The following OR5K1 variants were observed in gnomAD, a reference collection of about 807,000 sequenced individuals.
OR5K1 encodes olfactory receptor 5K1.
Under a neutral mutation model 10.4 loss-of-function variants are expected in OR5K1, and 7 were observed. The observed-to-expected ratio is 0.67, with a 90% CI of 0.38 to 1.26. The LOEUF (loss-of-function observed/expected upper bound fraction) is 1.26. Ranked by LOEUF, OR5K1 falls within the 50% of genes most tolerant of loss-of-function variation. The pLI is 0.02. For missense variants in OR5K1, 435 were observed against 366.2 expected (o/e 1.19, Z -1.53); for synonymous variants, 135 against 128.5 (o/e 1.05, Z -0.34).
chr3:98,470,512 A>T lies in OR5K1; in HGVS notation c.*9A>T, dbSNP rs999426791. On this transcript the variant is annotated 3_prime_UTR_variant, in exon 2 of 2. Coordinates refer to ENST00000642057, the MANE Select transcript of OR5K1 (RefSeq NM_001004736.4). The stretch of plus-strand genomic sequence containing the variant: ...TTCTGATGAAGAAATAATCTCAAGA[A>T]AGATGGAAACAAGTGACATCTACTA... 6.7e-7 allele frequency: 1 copy of T among 1,490,530 alleles called. No individual in the cohort carries two copies. The highest frequency in any genetic ancestry group is 9.2e-7 in the Non-Finnish European group (1 of 1,082,358). The allele number at this position is 1,490,530 out of a possible 1,614,324, so 92.3% of individuals were successfully genotyped here.
chr3:98,469,776 C>T lies in OR5K1; in HGVS notation c.200C>T (p.Ala67Val), dbSNP rs1559640630. ...ATGTACATCTTTCTGGGAAATCTGG[C>T]TCTTGTGGATTCTTGCTGTGCCTGT... ...TPMYIFLGNL[A>V]LVDSCCACAI... Residue 67 changes from alanine to valine, a missense_variant, in exon 2 of 2, where the codon GCT becomes GTT. Coordinates refer to ENST00000642057, the MANE Select transcript of OR5K1 (RefSeq NM_001004736.4). The T allele has an allele frequency of 6.2e-7, 1 of 1,613,766 alleles. No individual in the cohort carries two copies.
chr3:98,466,413 C>A (rs1353092043), intron 1 of OR5K1, among the ~76,000 whole-genome samples: 1 of 81,942 alleles, frequency 1.2e-5, no homozygotes, highest in African/African-American at 6.8e-5. Context: ...GGTATATACC[C>A]AGTAATGGGA....
intron 1 of OR5K1, among the ~76,000 whole-genome samples, chr3:98,467,780 T>C: frequency 7.2e-6 from 1 of 138,972 alleles, no homozygotes; most frequent in African/African-American, 2.8e-5. Context: ...AAGTTGCTTA[T>C]CAGCTTAAGG....
rs1705426553 is a variant in OR5K1 at position 98,470,079 on chromosome 3, T to A, written c.503T>A (p.Phe168Tyr). 1.2e-6 allele frequency: 2 copies of A among 1,613,602 alleles called. No homozygotes were observed. The highest frequency in any genetic ancestry group is 1.7e-6 in the Non-Finnish European group (2 of 1,179,758). Residue 168 changes from phenylalanine (F) to tyrosine (Y), a missense_variant, in exon 2 of 2, where the codon TTC becomes TAC. Physicochemically the swap from Phe to Tyr is conservative, Grantham distance 22 (BLOSUM62 3). Coordinates refer to ENST00000642057, the MANE Select transcript of OR5K1 (RefSeq NM_001004736.4). ...GTAGGGCTTGTATTTAGGTTAGTTTTCTGTGGATCGAATCACATCAACCAC... is the reference window on the plus strand; with the variant it reads ...GTAGGGCTTGTATTTAGGTTAGTTTACTGTGGATCGAATCACATCAACCAC... The part of the protein sequence containing the change: ...IHVGLVFRLV[F>Y]CGSNHINHFY...
At chr3:98,464,941 CATTA>C (rs1372087620) in intron 1 of OR5K1, among the ~76,000 whole-genome samples, 26 of 152,234 alleles carry the variant, frequency 1.7e-4, no homozygotes, top group African/African-American at 6.3e-4. Flanking sequence ...GTGCAGAAAA[CATTA>C]GTTAAATTCC....
intron 1 of OR5K1, among the ~76,000 whole-genome samples, chr3:98,464,614 T>C (rs762703488): frequency 2.0e-5 from 3 of 152,140 alleles, no homozygotes; most frequent in Non-Finnish European, 4.4e-5. Context: ...TATAAGTACA[T>C]ATAATGAGTA....
intron 1 of OR5K1, among the ~76,000 whole-genome samples, chr3:98,466,677 T>C (rs1278634196): frequency 2.5e-5 from 3 of 122,080 alleles, no homozygotes; most frequent in Admixed American, 8.1e-5. Context: ...TCATGTGTTT[T>C]TTGGCTGCAT....
Position 98,470,359 on chromosome 3 carries a change from A to G in OR5K1, c.783A>G (p.Arg261=), listed in dbSNP as rs1351829037. 3.1e-6 allele frequency: 5 copies of G among 1,613,052 alleles called. No homozygotes were observed. Among genetic ancestry groups the G allele is most frequent in the Middle Eastern group, 1.6e-4 (1 of 6,080 alleles). The change falls in exon 2 of 2, where the codon AGA becomes AGG. Residue 261 remains arginine (R), a synonymous_variant. Coordinates refer to ENST00000642057, the MANE Select transcript of OR5K1 (RefSeq NM_001004736.4). ...FYGSLFFMYV[R]PNLLEEGDKD... ...GATCTCTTTTCTTCATGTACGTTAG[A>G]CCAAATTTGCTTGAAGAAGGGGATA... is the stretch of plus-strand genomic sequence containing the variant.
chr3:98,470,475 T>A lies in OR5K1; in HGVS notation c.899T>A (p.Val300Asp). The A allele has an allele frequency of 1.3e-6, 2 of 1,565,394 alleles. No homozygotes were observed. The highest frequency in any genetic ancestry group is 8.8e-7 in the Non-Finnish European group (1 of 1,142,704). Residue 300 changes from valine (V) to aspartate (D), a missense_variant, in exon 2 of 2, where the codon GTC (valine) becomes GAC (aspartate). By Grantham distance (152) the Val-to-Asp change is radical. Coordinates refer to ENST00000642057, the MANE Select transcript of OR5K1 (RefSeq NM_001004736.4). Reference sequence around the variant, plus strand: ...CTGAGAAATAGGGAAGTAATAAGTGTCTTAAGAAAAATTCTGATGAAGAAA... The same window carrying A: ...CTGAGAAATAGGGAAGTAATAAGTGACTTAAGAAAAATTCTGATGAAGAAA... ...YSLRNREVIS[V>D]LRKILMKK is the part of the protein sequence containing the mutation.
At chr3:98,467,709 G>C (rs1413117704) in intron 1 of OR5K1, among the ~76,000 whole-genome samples, 2 of 121,404 alleles carry the variant, frequency 1.6e-5, no homozygotes, top group African/African-American at 3.4e-5. Context: ...TTTGTCTGTT[G>C]TTGGTGTATA....
At chr3:98,463,647 T>TGAATTATAAC (rs1705337657) in intron 1 of OR5K1, among the ~76,000 whole-genome samples, 1 of 152,190 alleles carries the variant, frequency 6.6e-6, no homozygotes, top group South Asian at 2.1e-4. Flanking sequence ...ATTATTAACC[T>TGAATTATAAC]CTACAATGAA....
At chr3:98,463,428 A>G (rs1254396663) in intron 1 of OR5K1, 121 bp downstream of exon 1, 1 of 152,148 alleles carries the variant, frequency 6.6e-6, no homozygotes, top group African/African-American at 2.4e-5. Context: ...TAAGCTGGTT[A>G]AATTATTTTT....
At position 98,469,906 on chromosome 3, in the gene OR5K1, A is replaced by G. The variant is rs776828321; in HGVS notation, c.330A>G (p.Ala110=). The change falls in exon 2 of 2, where the codon GCA becomes GCG. Residue 110 remains alanine (A), a synonymous_variant. Coordinates refer to ENST00000642057, the MANE Select transcript of OR5K1 (RefSeq NM_001004736.4). ...QFYFLCTVET[A]DCFLLAAMAY... The stretch of plus-strand genomic sequence containing the variant: ...ATTTTCTTTGCACTGTGGAAACTGC[A>G]GACTGCTTTCTTCTGGCAGCAATGG... 24 of 1,613,666 alleles carry G rather than the reference A, an allele frequency of 1.5e-5. No individual in the cohort carries two copies. Among genetic ancestry groups the G allele is most frequent in the Non-Finnish European group, 1.9e-5 (23 of 1,179,810 alleles).
intron 1 of OR5K1, among the ~76,000 whole-genome samples, chr3:98,465,433 T>C (rs1297531353): frequency 6.6e-6 from 1 of 152,182 alleles, no homozygotes; most frequent in Non-Finnish European, 1.5e-5. Context: ...GAAATTACAA[T>C]GGACATCATT....
Position 98,470,149 on chromosome 3 carries a change from T to A in OR5K1, c.573T>A (p.Asp191Glu). 1.9e-6 allele frequency: 3 copies of A among 1,613,544 alleles called. No homozygotes were observed. The highest frequency in any genetic ancestry group is 1.7e-6 in the Non-Finnish European group (2 of 1,179,658). Residue 191 changes from aspartate to glutamate, a missense_variant, in exon 2 of 2, where the codon GAT (aspartate) becomes GAA (glutamate). Physicochemically the swap from Asp to Glu is conservative, Grantham distance 45. Coordinates refer to ENST00000642057, the MANE Select transcript of OR5K1 (RefSeq NM_001004736.4). Reference sequence around the variant, plus strand: ...CCTTGTATAGACTCTCTTGTGTTGATCCTTATATCAATGAACTGGTTCTAT... The same window carrying A: ...CCTTGTATAGACTCTCTTGTGTTGAACCTTATATCAATGAACTGGTTCTAT... ...ILPLYRLSCV[D>E]PYINELVLFI...
At position 98,470,621 on chromosome 3, in the gene OR5K1, T is replaced by C; in HGVS notation, c.*118T>C. On this transcript the variant is annotated 3_prime_UTR_variant, in exon 2 of 2. Transcript: ENST00000642057. Reference sequence around the variant, plus strand: ...ATAAATTATAAGTAAAATTTTAATATATAAGAATACATTCAAATTAAGTGG... The same window carrying C: ...ATAAATTATAAGTAAAATTTTAATACATAAGAATACATTCAAATTAAGTGG... The C allele has an allele frequency of 1.7e-6, 1 of 587,792 alleles. No individual in the cohort carries two copies. The highest frequency in any genetic ancestry group is 2.9e-6 in the Non-Finnish European group (1 of 339,778). 36.4% of individuals were successfully genotyped at this position (587,792 alleles called of 1,614,324 possible).
rs1393631851 is a variant in OR5K1, at chr3:98,472,673, G to A, written c.*2170G>A. On this transcript the variant is annotated 3_prime_UTR_variant, in exon 2 of 2. Transcript: ENST00000642057. ...CTGTCTTAGTCTATTCTCTCTGTCT[G>A]GAATATCAAAGGTATGCTCAGAAAT... The A allele has an allele frequency of 6.6e-6, 1 of 151,828 alleles. No individual in the cohort carries two copies. Among genetic ancestry groups the A allele is most frequent in the Admixed American group, 6.6e-5 (1 of 15,192 alleles). 9.4% of individuals were successfully genotyped at this position (151,828 alleles called of 1,614,324 possible). A position where few individuals can be genotyped will look rare whatever the true frequency, so the allele number is the denominator to read the frequency against.
At position 98,472,005 on chromosome 3, in the gene OR5K1, T is replaced by G. The variant is rs1559641445; in HGVS notation, c.*1502T>G. On this transcript the variant is annotated 3_prime_UTR_variant, in exon 2 of 2. Transcript: ENST00000642057. Reference sequence around the variant, plus strand: ...ACCCAACACTACCTACATCCTTCCTTCATCACATATAGGTCCTTGCCTGGT... The same window carrying G: ...ACCCAACACTACCTACATCCTTCCTGCATCACATATAGGTCCTTGCCTGGT... 1 of 152,032 alleles carries G rather than the reference T, an allele frequency of 6.6e-6. No homozygotes were observed. Among genetic ancestry groups the G allele is most frequent in the Non-Finnish European group, 1.5e-5 (1 of 67,952 alleles). 9.4% of individuals were successfully genotyped at this position (152,032 alleles called of 1,614,324 possible).
chr3:98,464,400 G>A (rs984264581), intron 1 of OR5K1, among the ~76,000 whole-genome samples: 1 of 152,126 alleles, frequency 6.6e-6, no homozygotes. Context: ...CCAAACTTCG[G>A]AGTATAGTTG....
Sources: gnomAD v4.1 joint callset for allele counts (sites outside exome capture counted in the v4.1 genomes callset) on GRCh38, gnomAD v4.1.1 for gene constraint, MANE v1.5 for transcripts, NCBI Gene and HGNC (gene_info 2026-07-23, HGNC 2026-07-21) for gene names.